CTNNA3: variants seen among roughly 807,000 people sequenced by gnomAD.
CTNNA3 encodes the protein catenin alpha 3, also known as catenin alpha-3.
Under a neutral mutation model 95.7 loss-of-function variants are expected in CTNNA3, and 76 were observed. The ratio of observed to expected loss-of-function variants is 0.79; its 90% CI spans 0.66 to 0.96. CTNNA3 has a LOEUF of 0.96. Ranked by LOEUF, CTNNA3 falls within the 40% of genes least tolerant of loss-of-function variation. The probability of loss-of-function intolerance (pLI) is 0.00; values close to 1 mark genes in which losing one functional copy is unlikely to be tolerated. For missense variants in CTNNA3, 1,191 were observed against 1,089.8 expected, an observed-to-expected ratio of 1.09 and a Z score of -1.31; for synonymous variants, 431 against 374.4, an observed-to-expected ratio of 1.15 and a Z score of -1.74.
rs533690910 is a variant in CTNNA3 at position 67,578,996 on chromosome 10, GATAT to G, written c.292+27857_292+27860del. On this transcript the variant is annotated intron_variant, in intron 3 of 17. Coordinates refer to ENST00000433211, the MANE Select transcript of CTNNA3 (RefSeq NM_013266.4). ...GATATAAAACCCACCTGATCATAGT[GATAT>G]ATATATATATATATATATATATATA... Among the ~76,000 whole-genome samples, 220 of 87,342 alleles carry G rather than the reference GATAT, an allele frequency of 2.5e-3. 3 individuals are homozygous for G. The highest frequency in any genetic ancestry group is 3.8e-3 in the Admixed American group (31 of 8,052). 57.3% of individuals were successfully genotyped at this position (87,342 alleles called of 152,430 possible).
At position 66,331,342 on chromosome 10, in the gene CTNNA3, G is replaced by C. The variant is rs1421286214; in HGVS notation, c.1732+47810C>G. 7.5e-5 allele frequency among the ~76,000 whole-genome samples: 6 copies of C among 80,324 alleles called. 1 individual carries two copies. Among genetic ancestry groups the C allele is most frequent in the Non-Finnish European group, 9.5e-5 (4 of 42,052 alleles). 52.7% of individuals were successfully genotyped at this position (80,324 alleles called of 152,430 possible). On this transcript the variant is annotated intron_variant, in intron 12 of 17. Transcript: ENST00000433211. ...ATATGGACTCCTTTCCCCATTGTTT[G>C]TTTTTTTTTTTTTTTTTTTTTTTTT...
At chr10:66,144,354 C>T (rs2083766051) in intron 13 of CTNNA3, among the ~76,000 whole-genome samples, 1 of 152,016 alleles carries the variant, frequency 6.6e-6, no homozygotes, top group African/African-American at 2.4e-5. Context: ...TTTATTTTAT[C>T]TTTTTATCAA....
chr10:66,818,483 GAATATGAAATTAAAATTCCACGT>G (rs1252606694), intron 7 of CTNNA3, among the ~76,000 whole-genome samples: 103 of 152,198 alleles, frequency 6.8e-4, no homozygotes, highest in African/African-American at 2.4e-3. Context: ...TGAACAGTCT[GAATATGAAATTAAAATTCCACGT>G]ACAATGGCAT....
intron 13 of CTNNA3, among the ~76,000 whole-genome samples, chr10:66,270,437 C>A (rs1382958817): frequency 6.6e-6 from 1 of 152,068 alleles, no homozygotes; most frequent in African/African-American, 2.4e-5. Context: ...AACTCCTGAG[C>A]TCAACCATTC....
chr10:66,338,690 G>A (rs540918775), intron 12 of CTNNA3, among the ~76,000 whole-genome samples: 1 of 151,984 alleles, frequency 6.6e-6, no homozygotes, highest in Non-Finnish European at 1.5e-5. Context: ...CAAAGATCAG[G>A]GAGGCAGGTT....
chr10:67,190,848 C>T (rs552427928), intron 6 of CTNNA3, among the ~76,000 whole-genome samples: 92 of 151,952 alleles, frequency 6.1e-4, no homozygotes, highest in African/African-American at 8.7e-4. Context: ...AAGGCATATC[C>T]GATAAACGAT....
chr10:66,748,496 CTA>C, intron 9 of CTNNA3, among the ~76,000 whole-genome samples: 2 of 152,070 alleles, frequency 1.3e-5, no homozygotes, highest in Middle Eastern at 3.4e-3. Flanking sequence ...CCTGGAGTTT[CTA>C]TGTTTAAACA....
At chr10:67,760,448 A>T (rs370284305) in intron 1 of CTNNA3, among the ~76,000 whole-genome samples, 1 of 152,200 alleles carries the variant, frequency 6.6e-6, no homozygotes, top group Non-Finnish European at 1.5e-5. Context: ...GTGTCACTTA[A>T]TGATATGTTC....
At position 67,561,872 on chromosome 10, in the gene CTNNA3, T is replaced by C. The variant is rs920811442; in HGVS notation, c.293-22203A>G. 6.6e-5 allele frequency among the ~76,000 whole-genome samples: 10 copies of C among 152,110 alleles called. No individual in the cohort carries two copies. The East Asian group carries it at 1.3e-3, about 21-fold the overall frequency. ...AATACTATAAACACTTCTACACAAA[T>C]AAACTAGAAAATCTCAAAGAAATGG... On this transcript the variant is annotated intron_variant, in intron 3 of 17. Coordinates refer to ENST00000433211, the MANE Select transcript of CTNNA3 (RefSeq NM_013266.4).
intron 5 of CTNNA3, among the ~76,000 whole-genome samples, chr10:67,337,067 A>G (rs921236700): frequency 2.0e-5 from 3 of 152,198 alleles, no homozygotes; most frequent in Non-Finnish European, 4.4e-5. Context: ...TTATTATTTA[A>G]TAAATACATT....
In CTNNA3 at chr10:66,677,117, T is replaced by C. The variant is rs567598101; in HGVS notation, c.1282-55333A>G. Among the ~76,000 whole-genome samples the C allele has an allele frequency of 2.6e-5, 4 of 152,256 alleles. No homozygotes were observed. In the East Asian group the frequency reaches 5.8e-4, roughly 22 times the overall value. On this transcript the variant is annotated intron_variant, in intron 9 of 17. Transcript: ENST00000433211. ...GATAGATTACTTGACTTCTCTAGCA[T>C]TGGTTTCCTGTTTGTAAATGACTGG...
At chr10:66,909,556 C>T (rs1269507897) in intron 7 of CTNNA3, among the ~76,000 whole-genome samples, 1 of 151,914 alleles carries the variant, frequency 6.6e-6, no homozygotes, top group Non-Finnish European at 1.5e-5. Flanking sequence ...TACCTTCGGA[C>T]ACAAATGAAA....
At chr10:65,986,581 T>C (rs975729258) in intron 16 of CTNNA3, among the ~76,000 whole-genome samples, 1 of 151,446 alleles carries the variant, frequency 6.6e-6, no homozygotes, top group South Asian at 2.1e-4. Flanking sequence ...CAAAAAAAGA[T>C]ATCCTCTGTT....
intron 5 of CTNNA3, among the ~76,000 whole-genome samples, chr10:67,237,120 GTGTATGTATATATATATATA>G (rs1411338853): frequency 0.074 from 1,156 of 15,648 alleles, 66 homozygotes; most frequent in Middle Eastern, 0.15. Flanking sequence ...AGAAACTATG[GTGTATGTATATATATATATA>G]TATATATATA....
chr10:66,758,417 TTTAA>T (rs1203499045), intron 9 of CTNNA3, among the ~76,000 whole-genome samples: 1 of 152,178 alleles, frequency 6.6e-6, no homozygotes, highest in Non-Finnish European at 1.5e-5. Context: ...TATGCTTGTG[TTTAA>T]TTGAGTGGAA....
intron 13 of CTNNA3, among the ~76,000 whole-genome samples, chr10:66,265,570 A>C (rs2091127278): frequency 6.6e-6 from 1 of 152,066 alleles, no homozygotes; most frequent in Non-Finnish European, 1.5e-5. Context: ...TCCATTCAGT[A>C]ACTTTTAGAA....
At chr10:67,393,712 A>C (rs891294337) in intron 5 of CTNNA3, among the ~76,000 whole-genome samples, 2 of 152,186 alleles carry the variant, frequency 1.3e-5, no homozygotes, top group Non-Finnish European at 2.9e-5. Context: ...GACTTGACCC[A>C]GCCAAATTAG....
At position 66,339,493 on chromosome 10, in the gene CTNNA3, G is replaced by A. The variant is rs933957024; in HGVS notation, c.1732+39659C>T. Among the ~76,000 whole-genome samples, 5 of 151,684 alleles carry A rather than the reference G, an allele frequency of 3.3e-5. 1 individual carries two copies. The highest frequency in any genetic ancestry group is 7.4e-5 in the Non-Finnish European group (5 of 67,744). On this transcript the variant is annotated intron_variant, in intron 12 of 17. Coordinates refer to ENST00000433211, the MANE Select transcript of CTNNA3 (RefSeq NM_013266.4). The stretch of plus-strand genomic sequence containing the variant: ...TGAGAAGATTAAAAGAAGAAATTGG[G>A]AAAGAGAAATAAACAATTATAAGCT...
intron 10 of CTNNA3, among the ~76,000 whole-genome samples, chr10:66,529,786 A>G (rs74141586): frequency 0.016 from 2,489 of 152,256 alleles, 47 homozygotes; most frequent in African/African-American, 0.047. Context: ...AAAGAGATGA[A>G]ATAACTTGCC....
Sources: allele counts gnomAD v4.1 joint callset (sites outside exome capture counted in the v4.1 genomes callset), GRCh38; gene constraint gnomAD v4.1.1; transcripts MANE v1.5; gene names NCBI Gene and HGNC (gene_info 2026-07-23, HGNC 2026-07-21).